The following NOVA1 variants were observed in gnomAD, a reference collection of about 807,000 sequenced individuals.
The protein encoded by NOVA1 is RNA-binding protein Nova-1.
A neutral mutation model predicts 38.0 loss-of-function variants in NOVA1; 7 were observed. That is an observed-to-expected ratio of 0.18 (90% confidence interval 0.10 to 0.35). The LOEUF (loss-of-function observed/expected upper bound fraction) is 0.35. Among genes scored for constraint, NOVA1 ranks in the 10% least tolerant of loss-of-function variants. The pLI, the probability that NOVA1 is intolerant of heterozygous loss-of-function variation, is 1.00. For synonymous variants in NOVA1, 270 were observed against 232.5 expected (o/e 1.16, Z -1.47); for missense variants, 460 against 616.0 (o/e 0.75, Z 2.68).
intron 2 of NOVA1, among the ~76,000 whole-genome samples, chr14:26,521,580 T>C (rs1888900470): frequency 6.6e-6 from 1 of 152,076 alleles, no homozygotes; most frequent in South Asian, 2.1e-4. Context: ...TAATTGATCA[T>C]CGTATAAATA....
chr14:26,519,088 T>C (rs1013512590), intron 2 of NOVA1: 18 of 152,246 alleles, frequency 1.2e-4, no homozygotes, highest in African/African-American at 4.1e-4. Context: ...CTATTTTAAA[T>C]GGAAAACATT....
At chr14:26,500,256 C>G (rs183956166) in intron 2 of NOVA1, among the ~76,000 whole-genome samples, 1 of 152,070 alleles carries the variant, frequency 6.6e-6, no homozygotes, top group Non-Finnish European at 1.5e-5. Flanking sequence ...ACACTCACAG[C>G]AGCCTAGCAC....
rs115549286 is a variant in NOVA1, at chr14:26,597,787, G to A, written c.-351C>T. 4.6e-3 allele frequency: 3,490 copies of A among 756,056 alleles called. 92 individuals carry two copies. In the African/African-American group the frequency reaches 0.061, roughly 13 times the overall value. 46.8% of individuals were successfully genotyped at this position (756,056 alleles called of 1,614,324 possible). A position where few individuals can be genotyped will look rare whatever the true frequency, so the allele number is the denominator to read the frequency against. On this transcript the variant is annotated 5_prime_UTR_variant, in exon 1 of 5. Transcript: ENST00000539517. The stretch of plus-strand genomic sequence containing the variant: ...TGAATGAGCGGGAGGAGGGGACCGG[G>A]GAGGACAGGCAGAGGGAGTGGGAGA...
At chr14:26,498,730 G>A (rs178196) in intron 2 of NOVA1, among the ~76,000 whole-genome samples, 140,605 of 152,208 alleles carry the variant, frequency 0.92, 65,775 homozygotes, top group East Asian at 1. Context: ...ATTTCTGAGG[G>A]AGACCTACAA....
intron 2 of NOVA1, among the ~76,000 whole-genome samples, chr14:26,537,478 T>C (rs1334902617): frequency 1.3e-5 from 2 of 152,148 alleles, no homozygotes; most frequent in African/African-American, 2.4e-5. Context: ...AGCTTCATTG[T>C]TTTGATTCTA....
intron 2 of NOVA1, among the ~76,000 whole-genome samples, chr14:26,567,829 T>TTAAAAAACTA (rs2138707713): frequency 6.6e-6 from 1 of 152,336 alleles, no homozygotes; most frequent in African/African-American, 2.4e-5. Context: ...AAACTAGTTA[T>TTAAAAAACTA]GCTTTTAAAA....
intron 2 of NOVA1, among the ~76,000 whole-genome samples, chr14:26,527,874 C>A (rs1057327232): frequency 4.6e-5 from 7 of 152,136 alleles, no homozygotes; most frequent in Non-Finnish European, 1.0e-4. Context: ...TTCACTGGAC[C>A]TTTTATGTCC....
chr14:26,508,555 TACACACACAC>T (rs34063277), intron 2 of NOVA1, among the ~76,000 whole-genome samples: 3 of 148,966 alleles, frequency 2.0e-5, no homozygotes, highest in Non-Finnish European at 3.0e-5. Flanking sequence ...CACATGTACA[TACACACACAC>T]ACACACACAC....
chr14:26,509,222 A>G (rs1440905376), intron 2 of NOVA1, among the ~76,000 whole-genome samples: 1 of 152,148 alleles, frequency 6.6e-6, no homozygotes, highest in African/African-American at 2.4e-5. Flanking sequence ...TACTACATTA[A>G]TGTGTGTGAG....
chr14:26,457,174 A>G (rs1883251439), intron 4 of NOVA1, among the ~76,000 whole-genome samples: 1 of 145,390 alleles, frequency 6.9e-6, no homozygotes, highest in African/African-American at 2.5e-5. Flanking sequence ...AGAATAAATG[A>G]ATCCTCCAAA....
At chr14:26,590,723 C>A (rs879481717) in intron 2 of NOVA1, among the ~76,000 whole-genome samples, 44 of 151,774 alleles carry the variant, frequency 2.9e-4, no homozygotes, top group Admixed American at 6.6e-4. Context: ...TGAACTATAT[C>A]ACCAACATGT....
Position 26,480,052 on chromosome 14 carries a change from G to A in NOVA1, c.372C>T (p.Pro124=), listed in dbSNP as rs1398342166. ...GFIAEKIREM[P]QNVAKTEPVS... ...CTGGTTCTGTCTTGGCCACATTTTG[G>A]GGCATTTCTCGAATTTTTTCTGCAA... Residue 124 remains proline, a synonymous_variant, in exon 3 of 5, where the codon CCC becomes CCT. Transcript: ENST00000539517. The A allele has an allele frequency of 6.2e-7, 1 of 1,613,742 alleles. No individual in the cohort carries two copies. The highest frequency in any genetic ancestry group is 1.3e-5 in the African/African-American group (1 of 74,836).
intron 2 of NOVA1, among the ~76,000 whole-genome samples, chr14:26,514,258 A>T (rs1201435553): frequency 1.3e-5 from 2 of 151,742 alleles, no homozygotes. Context: ...GTCATTTTTA[A>T]AAAAGCTTCA....
At chr14:26,524,053 C>A (rs1889123196) in intron 2 of NOVA1, among the ~76,000 whole-genome samples, 1 of 152,074 alleles carries the variant, frequency 6.6e-6, no homozygotes, top group Non-Finnish European at 1.5e-5. Context: ...GCCTGGCCCA[C>A]TTGAAGATTT....
chr14:26,505,892 A>C (rs1170776039), intron 2 of NOVA1, among the ~76,000 whole-genome samples: 1 of 152,164 alleles, frequency 6.6e-6, no homozygotes, highest in East Asian at 1.9e-4. Flanking sequence ...CCATTTAGAA[A>C]AACAGGATTG....
intron 2 of NOVA1, among the ~76,000 whole-genome samples, chr14:26,534,840 T>C (rs1156930102): frequency 2.0e-5 from 3 of 151,988 alleles, no homozygotes; most frequent in Non-Finnish European, 1.5e-5. Flanking sequence ...GAAAATGTGA[T>C]GACAAAAGCA....
At chr14:26,596,678 A>C in intron 1 of NOVA1, 1 of 1,289,004 alleles carries the variant, frequency 7.8e-7, no homozygotes, top group Non-Finnish European at 1.0e-6. Context: ...CAGGATGTTA[A>C]CTAACAAGTC....
At chr14:26,482,004 A>AC (rs1885506167) in intron 2 of NOVA1, among the ~76,000 whole-genome samples, 1 of 150,748 alleles carries the variant, frequency 6.6e-6, no homozygotes, top group African/African-American at 2.4e-5. Flanking sequence ...AAAAAAAAAA[A>AC]AAAAAAAAAA....
chr14:26,490,947 T>C (rs1256521245), intron 2 of NOVA1, among the ~76,000 whole-genome samples: 2 of 150,332 alleles, frequency 1.3e-5, no homozygotes, highest in African/African-American at 4.9e-5. Flanking sequence ...CCTCCTGGGT[T>C]CCCGCCATTC....
Sources: gnomAD v4.1 joint callset for allele counts (sites outside exome capture counted in the v4.1 genomes callset) on GRCh38, gnomAD v4.1.1 for gene constraint, MANE v1.5 for transcripts, NCBI Gene and HGNC (gene_info 2026-07-23, HGNC 2026-07-21) for gene names.